RTTN: variants seen among roughly 807,000 people sequenced by gnomAD.
RTTN encodes the protein rotatin.
A neutral mutation model predicts 269.2 loss-of-function variants in RTTN; 182 were observed. The ratio of observed to expected loss-of-function variants is 0.68; its 90% CI spans 0.60 to 0.76. The LOEUF (loss-of-function observed/expected upper bound fraction) is 0.76. Among genes scored for constraint, RTTN ranks in the 30% least tolerant of loss-of-function variants. The pLI, the probability that RTTN is intolerant of heterozygous loss-of-function variation, is 0.00. For synonymous variants in RTTN, 1,006 were observed against 963.5 expected (o/e 1.04, Z -0.82); for missense variants, 2,545 against 2,608.6 (o/e 0.98, Z 0.53).
At chr18:70,087,879 A>G in intron 31 of RTTN, 110 bp downstream of exon 31, 1 of 1,115,664 alleles carries the variant, frequency 9.0e-7, no homozygotes, top group Non-Finnish European at 1.3e-6. Flanking sequence ...CACAGACAGA[A>G]GAGATCATGG....
chr18:70,082,428 A>G (rs1215597927), intron 32 of RTTN, among the ~76,000 whole-genome samples: 1 of 152,068 alleles, frequency 6.6e-6, no homozygotes, highest in East Asian at 1.9e-4. Context: ...TGAGAAAATT[A>G]CATCAATAAT....
intron 38 of RTTN, among the ~76,000 whole-genome samples, chr18:70,051,755 C>T (rs958374847): frequency 3.3e-4 from 50 of 152,126 alleles, no homozygotes; most frequent in Non-Finnish European, 7.3e-5. Context: ...CCCCTCCACC[C>T]TCCTGCATAT....
intron 42 of RTTN, among the ~76,000 whole-genome samples, chr18:70,029,585 T>C (rs551141958): frequency 1.3e-5 from 2 of 152,270 alleles, no homozygotes; most frequent in African/African-American, 2.4e-5. Context: ...GTGACTATGC[T>C]GTAATGAGTG....
intron 40 of RTTN, among the ~76,000 whole-genome samples, chr18:70,034,495 C>G (rs1182649937): frequency 6.6e-6 from 1 of 152,168 alleles, no homozygotes; most frequent in Admixed American, 6.6e-5. Context: ...AATTCAACAT[C>G]TTTTCATATT....
chr18:70,092,045 A>C (rs1462375552), intron 30 of RTTN, 65 bp downstream of exon 30: 2 of 1,017,282 alleles, frequency 2.0e-6, no homozygotes, highest in Admixed American at 1.8e-5. Flanking sequence ...GAGCCACCGC[A>C]CCTGGCCCCG....
chr18:70,013,622 GAC>G (rs2056459822), intron 46 of RTTN, among the ~76,000 whole-genome samples: 1 of 152,070 alleles, frequency 6.6e-6, no homozygotes, highest in Non-Finnish European at 1.5e-5. Flanking sequence ...TAAATAATGA[GAC>G]AGTATTTTTG....
intron 8 of RTTN, 98 bp from the exon 9 acceptor site, chr18:70,190,817 G>T: frequency 1.3e-6 from 1 of 745,636 alleles, no homozygotes; most frequent in African/African-American, 1.7e-5. Context: ...CCTCATACAA[G>T]TCACAACTCT....
At chr18:70,015,219 T>C (rs1228796614) in intron 46 of RTTN, among the ~76,000 whole-genome samples, 1 of 151,998 alleles carries the variant, frequency 6.6e-6, no homozygotes. Context: ...CCCGCCACCA[T>C]GCCTGGCTAA....
At chr18:70,031,205 T>C (rs2057003000) in intron 40 of RTTN, 2 of 534,238 alleles carry the variant, frequency 3.7e-6, no homozygotes, top group East Asian at 3.0e-5. Flanking sequence ...TCTTAAAGAC[T>C]CATCATCTAC....
At chr18:70,181,823 G>A (rs1384639023) in intron 10 of RTTN, among the ~76,000 whole-genome samples, 2 of 152,108 alleles carry the variant, frequency 1.3e-5, no homozygotes, top group Non-Finnish European at 2.9e-5. Context: ...ACAAGTAAAA[G>A]TAAATCAAAT....
intron 32 of RTTN, 86 bp from the exon 33 acceptor site, chr18:70,075,627 CA>C (rs1265857215): frequency 1.0e-5 from 11 of 1,075,808 alleles, no homozygotes; most frequent in African/African-American, 6.6e-5. Context: ...CTCGAGGAAA[CA>C]AATGGGTCCC....
chr18:70,108,164 C>G (rs1159520160), intron 28 of RTTN, among the ~76,000 whole-genome samples: 1 of 152,022 alleles, frequency 6.6e-6, no homozygotes, highest in Non-Finnish European at 1.5e-5. Context: ...GTAATCCCAG[C>G]TACTTGGGAG....
At chr18:70,128,224 A>G (rs2059914860) in intron 24 of RTTN, 134 bp downstream of exon 24, 2 of 657,370 alleles carry the variant, frequency 3.0e-6, no homozygotes, top group Admixed American at 6.0e-5. Flanking sequence ...GAAAGTAAAA[A>G]TTATAACTGT....
Position 70,135,252 on chromosome 18 carries a change from A to T in RTTN, c.2817T>A (p.Ser939Arg), listed in dbSNP as rs746706961. The T allele has an allele frequency of 6.5e-7, 1 of 1,547,922 alleles. No homozygotes were observed. Among genetic ancestry groups the T allele is most frequent in the South Asian group, 1.2e-5 (1 of 82,624 alleles). ...ATAGTGCTCCAACTTCAGTCACGAC[A>T]CTACAATCTTCATGAAATATTAAGG... ...RVSLIFHEDC[S>R]VVTEVGALFC... The change falls in exon 22 of 49, where the codon AGT (serine) becomes AGA (arginine). Residue 939 changes from serine (S) to arginine (R), a missense_variant. Transcript: ENST00000640769.
chr18:70,174,068 G>C (rs1262368067), intron 11 of RTTN, among the ~76,000 whole-genome samples: 1 of 151,094 alleles, frequency 6.6e-6, no homozygotes, highest in African/African-American at 2.4e-5. Context: ...TATGGGGGTG[G>C]TCACTTTTTA....
At chr18:70,126,333 T>TA (rs199780837) in intron 25 of RTTN, among the ~76,000 whole-genome samples, 1,882 of 152,246 alleles carry the variant, frequency 0.012, 23 homozygotes, top group South Asian at 0.038. Context: ...TACATTTATT[T>TA]AAAGTGAAGG....
chr18:70,178,391 C>T (rs1292157950), intron 10 of RTTN, among the ~76,000 whole-genome samples: 1 of 152,064 alleles, frequency 6.6e-6, no homozygotes, highest in East Asian at 1.9e-4. Context: ...ATATGAGGTA[C>T]CAGGAGCTGG....
Position 70,196,525 on chromosome 18 carries a change from G to A in RTTN, c.817C>T (p.Pro273Ser). The change falls in exon 7 of 49, where the codon CCA becomes TCA. Residue 273 changes from proline to serine, a missense_variant. Physicochemically the swap from Pro to Ser is moderately conservative, Grantham distance 74 (BLOSUM62 -1). Coordinates refer to ENST00000640769, the MANE Select transcript of RTTN (RefSeq NM_173630.4). Reference protein sequence around the residue: ...LRNRLNFHRDPGFFSNKHDTV... With the variant: ...LRNRLNFHRDSGFFSNKHDTV... ...CCGTGTTTATTGGAGAAAAAACCTG[G>A]ATCTCGGTGAAAGTTAAGTCTGTTT... 6.2e-7 allele frequency: 1 copy of A among 1,611,304 alleles called. No homozygotes were observed. Among genetic ancestry groups the A allele is most frequent in the East Asian group, 2.2e-5 (1 of 44,840 alleles).
chr18:70,094,037 T>C (rs1444043260), intron 28 of RTTN, among the ~76,000 whole-genome samples: 1 of 152,230 alleles, frequency 6.6e-6, no homozygotes, highest in Non-Finnish European at 1.5e-5. Context: ...GGTGTATGTG[T>C]CCAGGAATTT....
Sources: gnomAD v4.1 joint callset for allele counts (sites outside exome capture counted in the v4.1 genomes callset) on GRCh38, gnomAD v4.1.1 for gene constraint, MANE v1.5 for transcripts, NCBI Gene and HGNC (gene_info 2026-07-23, HGNC 2026-07-21) for gene names.